The following DIAPH2 variants were observed in gnomAD, a reference collection of about 807,000 sequenced individuals.
The protein encoded by DIAPH2 is protein diaphanous homolog 2.
In DIAPH2, 35 loss-of-function variants were observed where a neutral mutation model predicts 92.7. The ratio of observed to expected loss-of-function variants is 0.38; its 90% CI spans 0.29 to 0.50. DIAPH2 has a LOEUF of 0.50. DIAPH2 is among the 20% of genes least tolerant of loss of function. The pLI, the probability that DIAPH2 is intolerant of heterozygous loss-of-function variation, is 0.94. For synonymous variants in DIAPH2, 301 were observed against 280.4 expected (o/e 1.07, Z -0.73); for missense variants, 701 against 819.5 (o/e 0.86, Z 1.77).
intron 5 of DIAPH2, among the ~76,000 whole-genome samples, chrX:96,894,343 C>T (rs770114777): frequency 1.8e-5 from 2 of 109,530 alleles, no homozygotes; most frequent in Admixed American, 9.8e-5. Context: ...TAAATTGGTA[C>T]GTTCAACATT....
intron 22 of DIAPH2, among the ~76,000 whole-genome samples, chrX:97,147,829 T>C (rs2067257739): frequency 9.0e-6 from 1 of 111,625 alleles, no homozygotes; most frequent in African/African-American, 3.2e-5. Context: ...TGTTTCCATG[T>C]CATGTTAGTT....
At chrX:97,480,513 T>C (rs1011043449) in intron 26 of DIAPH2, among the ~76,000 whole-genome samples, 8 of 111,291 alleles carry the variant, frequency 7.2e-5, no homozygotes, top group Admixed American at 6.7e-4. Flanking sequence ...CTAGGAAAAG[T>C]CCCCAAAGAA....
intron 19 of DIAPH2, among the ~76,000 whole-genome samples, chrX:97,091,311 TCTCA>T (rs2066823199): frequency 9.0e-6 from 1 of 110,835 alleles, no homozygotes; most frequent in Admixed American, 9.6e-5. Flanking sequence ...AGAGACAGGG[TCTCA>T]CTCAGTTGCC....
intron 23 of DIAPH2, among the ~76,000 whole-genome samples, chrX:97,296,162 C>T (rs1341896737): frequency 9.0e-6 from 1 of 111,664 alleles, no homozygotes; most frequent in Non-Finnish European, 1.9e-5. Flanking sequence ...TCTCTACCTC[C>T]CTCCAGTCCA....
intron 21 of DIAPH2, among the ~76,000 whole-genome samples, chrX:97,120,682 C>T (rs1308115901): frequency 1.0e-5 from 1 of 99,107 alleles, no homozygotes; most frequent in Non-Finnish European, 2.0e-5. Context: ...ATATATAGCC[C>T]AAGACAATTC....
At position 96,738,520 on chromosome X, in the gene DIAPH2, A is replaced by G. The variant is rs1032844923; in HGVS notation, c.166-66A>G. On this transcript the variant is annotated intron_variant, in intron 2 of 26. Coordinates refer to ENST00000324765, the MANE Select transcript of DIAPH2 (RefSeq NM_006729.5). ...TACTAAGTGCCGTTTTGATGTTTCA[A>G]TTCTTCATGTTAGTAGTTCTTGATC... The G allele has an allele frequency of 5.0e-5, 48 of 956,090 alleles. No individual in the cohort carries two copies. The East Asian group carries it at 1.2e-3, about 24-fold the overall frequency. 78.8% of individuals were successfully genotyped at this position (956,090 alleles called of 1,213,427 possible).
intron 5 of DIAPH2, chrX:96,885,239 T>C (rs770119909): frequency 2.4e-5 from 12 of 506,077 alleles, no homozygotes; most frequent in Non-Finnish European, 3.9e-5. Context: ...TTCTAACTGC[T>C]TTGAACTTTT....
intron 26 of DIAPH2, among the ~76,000 whole-genome samples, chrX:97,532,264 TG>T (rs2147851445): frequency 8.8e-6 from 1 of 113,297 alleles, no homozygotes; most frequent in East Asian, 2.8e-4. Context: ...AACTCGTGCT[TG>T]GCACAACTAT....
rs760877425 is a variant in DIAPH2, at chrX:97,427,744, A to G, written c.3146-1906A>G. Among the ~76,000 whole-genome samples, 448 of 110,620 alleles carry G rather than the reference A, an allele frequency of 4.0e-3. 2 individuals are homozygous for G. The highest frequency in any genetic ancestry group is 0.014 in the African/African-American group (425 of 30,435). On this transcript the variant is annotated intron_variant, in intron 25 of 26. Coordinates refer to ENST00000324765, the MANE Select transcript of DIAPH2 (RefSeq NM_006729.5). ...TGCCCGGGCTGGAGTGCAGTGGTAC[A>G]ATCTCAGCTCACTGTAACCTCTGGC...
chrX:97,075,245 G>A lies in DIAPH2; in HGVS notation c.2231G>A (p.Ser744Asn), dbSNP rs1435940540. 1 of 1,175,033 alleles carries A rather than the reference G, an allele frequency of 8.5e-7. No homozygotes were observed. Among genetic ancestry groups the A allele is most frequent in the South Asian group, 1.9e-5 (1 of 52,236 alleles). The change falls in exon 19 of 27, where the codon AGT (serine) becomes AAT (asparagine). Residue 744 changes from serine (S) to asparagine (N), a missense_variant. Ser to Asn is a conservative substitution (Grantham distance 46). Coordinates refer to ENST00000324765, the MANE Select transcript of DIAPH2 (RefSeq NM_006729.5). ...VILEVNEDML[S>N]EALIQNLVKH... Reference sequence around the variant, plus strand: ...CTGGAGGTTAATGAAGACATGCTGAGTGAGGCTTTAATTCAGGTAACTTGG... The same window carrying A: ...CTGGAGGTTAATGAAGACATGCTGAATGAGGCTTTAATTCAGGTAACTTGG...
chrX:96,962,378 TACAC>T (rs201464271), intron 16 of DIAPH2, among the ~76,000 whole-genome samples: 1 of 64,120 alleles, frequency 1.6e-5, no homozygotes, highest in Non-Finnish European at 2.8e-5. Flanking sequence ...CATATATATA[TACAC>T]ATATATATAC....
At chrX:96,689,911 T>A (rs1374943862) in intron 1 of DIAPH2, among the ~76,000 whole-genome samples, 1 of 111,211 alleles carries the variant, frequency 9.0e-6, no homozygotes, top group African/African-American at 3.3e-5. Context: ...GGGATTTTTT[T>A]CCCCTATATA....
At chrX:96,919,635 GT>G (rs1194940620) in intron 9 of DIAPH2, among the ~76,000 whole-genome samples, 5 of 111,217 alleles carry the variant, frequency 4.5e-5, no homozygotes, top group African/African-American at 1.6e-4. Context: ...GTATTATGAA[GT>G]ATTTTTTGTA....
At chrX:97,414,653 C>G (rs1442316560) in intron 25 of DIAPH2, among the ~76,000 whole-genome samples, 1 of 37,778 alleles carries the variant, frequency 2.6e-5, no homozygotes, top group African/African-American at 8.6e-5. Flanking sequence ...GACTCTGTCT[C>G]AAAAAAAAAA....
chrX:96,998,662 T>C (rs927233150), intron 17 of DIAPH2, among the ~76,000 whole-genome samples: 4 of 111,782 alleles, frequency 3.6e-5, no homozygotes, highest in Non-Finnish European at 5.6e-5. Context: ...TTCTTTATGC[T>C]GATCTGCAGG....
chrX:97,532,427 G>A (rs886229907), intron 26 of DIAPH2, among the ~76,000 whole-genome samples: 14 of 112,542 alleles, frequency 1.2e-4, no homozygotes, highest in African/African-American at 4.5e-4. Context: ...CAAATCTTAA[G>A]TGTCACTAAA....
chrX:97,031,348 G>A (rs1405960236), intron 17 of DIAPH2, among the ~76,000 whole-genome samples: 2 of 97,249 alleles, frequency 2.1e-5, no homozygotes, highest in Admixed American at 1.1e-4. Context: ...CCTATGGGGC[G>A]GGAGGGGGGG....
At position 97,422,031 on chromosome X, in the gene DIAPH2, T is replaced by C. The variant is rs191610691; in HGVS notation, c.3146-7619T>C. On this transcript the variant is annotated intron_variant, in intron 25 of 26. Coordinates refer to ENST00000324765, the MANE Select transcript of DIAPH2 (RefSeq NM_006729.5). ...GATATAAATAGACAAAACTAATATA[T>C]GATGATAGATATTCAGACATATGTT... Among the ~76,000 whole-genome samples, 22 of 111,924 alleles carry C rather than the reference T, an allele frequency of 2.0e-4. No homozygotes were observed. The East Asian group carries it at 6.2e-3, about 31-fold the overall frequency.
intron 26 of DIAPH2, among the ~76,000 whole-genome samples, chrX:97,556,177 A>G (rs138802241): frequency 0.014 from 1,558 of 111,629 alleles, 13 homozygotes; most frequent in Non-Finnish European, 0.021. Context: ...ATCATCATGG[A>G]ATTAAACATG....
Sources: allele counts gnomAD v4.1 joint callset (sites outside exome capture counted in the v4.1 genomes callset), GRCh38; gene constraint gnomAD v4.1.1; transcripts MANE v1.5; gene names NCBI Gene and HGNC (gene_info 2026-07-23, HGNC 2026-07-21).